The following UGCG variants were observed in gnomAD, a reference collection of about 807,000 sequenced individuals.
UGCG encodes the protein ceramide glucosyltransferase.
In UGCG, 10 loss-of-function variants were observed where a neutral mutation model predicts 49.5. That is an observed-to-expected ratio of 0.20 (90% confidence interval 0.12 to 0.34). The LOEUF is 0.34. Among genes scored for constraint, UGCG ranks in the 10% least tolerant of loss-of-function variants. The pLI is 1.00. For missense variants in UGCG, 312 were observed against 483.7 expected (o/e 0.65, Z 3.33); for synonymous variants, 182 against 158.2 (o/e 1.15, Z -1.13).
chr9:111,929,060 C>T (rs1438272677), intron 5 of UGCG, among the ~76,000 whole-genome samples: 1 of 130,810 alleles, frequency 7.6e-6, no homozygotes, highest in Non-Finnish European at 1.6e-5. Context: ...CCCCCCACCC[C>T]CCAAAAAAAT....
At chr9:111,932,406 G>C (rs763851135) in intron 8 of UGCG, 47 bp downstream of exon 8, 2 of 1,527,196 alleles carry the variant, frequency 1.3e-6, no homozygotes, top group Non-Finnish European at 1.8e-6. Flanking sequence ...GGTGGAACTA[G>C]AACTATTTCA....
intron 1 of UGCG, among the ~76,000 whole-genome samples, chr9:111,900,240 C>A (rs987364097): frequency 6.6e-6 from 1 of 151,804 alleles, no homozygotes; most frequent in South Asian, 2.1e-4. Context: ...TTGGGAGCCA[C>A]GTTGCTGCGT....
intron 2 of UGCG, among the ~76,000 whole-genome samples, chr9:111,918,814 A>G (rs940482251): frequency 6.6e-6 from 1 of 151,684 alleles, no homozygotes; most frequent in African/African-American, 2.4e-5. Context: ...AGTCCCAGCT[A>G]CTCGGGAGGC....
At chr9:111,925,504 C>T in intron 4 of UGCG, among the ~76,000 whole-genome samples, 1 of 152,322 alleles carries the variant, frequency 6.6e-6, no homozygotes. Flanking sequence ...CATGCCTGGT[C>T]TCTACCATGA....
In UGCG at chr9:111,932,847, A is replaced by C. The variant is rs1838452438; in HGVS notation, c.1035A>C (p.Ser345=). 1.2e-6 allele frequency: 2 copies of C among 1,601,246 alleles called. No individual in the cohort carries two copies. The highest frequency in any genetic ancestry group is 1.7e-5 in the Admixed American group (1 of 58,584). ...CCTAGGGTGGCACACTGTGTTTTTC[A>C]AAACTTGATTATGCAGTCGCCTGGT... is the stretch of plus-strand genomic sequence containing the variant. ...RGVQGGTLCF[S]KLDYAVAWFI... is the part of the protein sequence containing the mutation. Residue 345 remains serine, a synonymous_variant, in exon 9 of 9, where the codon TCA becomes TCC. Transcript: ENST00000374279.
chr9:111,904,632 A>G (rs1837842762), intron 1 of UGCG, among the ~76,000 whole-genome samples: 4 of 152,156 alleles, frequency 2.6e-5, no homozygotes, highest in Non-Finnish European at 4.4e-5. Flanking sequence ...AGGCCGAGGC[A>G]GGTGGATCAC....
At chr9:111,921,279 GA>G (rs1368715419) in intron 2 of UGCG, among the ~76,000 whole-genome samples, 6 of 151,710 alleles carry the variant, frequency 4.0e-5, no homozygotes, top group Non-Finnish European at 7.4e-5. Context: ...CACTTCTGGG[GA>G]AAAAAATCAC....
intron 2 of UGCG, among the ~76,000 whole-genome samples, chr9:111,918,765 C>T (rs1484112226): frequency 2.7e-5 from 4 of 148,656 alleles, no homozygotes; most frequent in Non-Finnish European, 6.0e-5. Flanking sequence ...ACTAAAAATA[C>T]AAAAAAAAAA....
At chr9:111,900,255 A>C (rs1837741941) in intron 1 of UGCG, among the ~76,000 whole-genome samples, 1 of 152,048 alleles carries the variant, frequency 6.6e-6, no homozygotes, top group Admixed American at 6.6e-5. Context: ...CTGCGTGATG[A>C]AGTGATCTAA....
chr9:111,900,076 C>T (rs77400884), intron 1 of UGCG, among the ~76,000 whole-genome samples: 2 of 150,314 alleles, frequency 1.3e-5, no homozygotes, highest in East Asian at 3.9e-4. Context: ...CTAAAAATAA[C>T]TAAAGAGTAT....
chr9:111,919,189 T>C (rs1838171555), intron 2 of UGCG, among the ~76,000 whole-genome samples: 1 of 152,172 alleles, frequency 6.6e-6, no homozygotes, highest in Non-Finnish European at 1.5e-5. Context: ...GTACTCATAC[T>C]CACAAAATAG....
intron 1 of UGCG, among the ~76,000 whole-genome samples, chr9:111,905,139 A>T (rs1564197746): frequency 6.6e-6 from 1 of 152,094 alleles, no homozygotes; most frequent in Non-Finnish European, 1.5e-5. Flanking sequence ...TTCAGTAGAA[A>T]CTAGTGTTTG....
chr9:111,913,458 G>A (rs180678861), intron 1 of UGCG, among the ~76,000 whole-genome samples: 119 of 152,090 alleles, frequency 7.8e-4, no homozygotes, highest in African/African-American at 2.8e-3. Context: ...TTTTGAGACG[G>A]AGTCTCACTC....
intron 6 of UGCG, among the ~76,000 whole-genome samples, chr9:111,930,649 T>C (rs1838409980): frequency 6.6e-6 from 1 of 151,916 alleles, no homozygotes; most frequent in Non-Finnish European, 1.5e-5. Context: ...TTTTGTATGT[T>C]AGTAGAGGCG....
intron 2 of UGCG, among the ~76,000 whole-genome samples, chr9:111,918,699 C>A (rs1482434881): frequency 1.3e-5 from 2 of 151,940 alleles, no homozygotes; most frequent in African/African-American, 2.4e-5. Flanking sequence ...TTTGGGAGGC[C>A]GAGGCGGGCG....
intron 1 of UGCG, among the ~76,000 whole-genome samples, chr9:111,900,383 C>T (rs1355122153): frequency 2.6e-5 from 4 of 152,082 alleles, no homozygotes; most frequent in Admixed American, 1.3e-4. Context: ...ACTGGAGGTG[C>T]TAGGCTAGTG....
At chr9:111,928,130 G>A (rs936042289) in intron 5 of UGCG, among the ~76,000 whole-genome samples, 9 of 152,158 alleles carry the variant, frequency 5.9e-5, no homozygotes, top group Admixed American at 2.6e-4. Context: ...GCAGTCTTAT[G>A]ATTGCCACAT....
chr9:111,902,053 A>G (rs532782670), intron 1 of UGCG, among the ~76,000 whole-genome samples: 6 of 152,310 alleles, frequency 3.9e-5, no homozygotes, highest in East Asian at 1.9e-4. Context: ...CATTTCCCCA[A>G]ATGTACAATG....
chr9:111,922,881 T>G lies in UGCG; in HGVS notation c.273T>G (p.Asp91Glu), dbSNP rs768056659. 8.1e-6 allele frequency: 13 copies of G among 1,613,116 alleles called. No homozygotes were observed. Among genetic ancestry groups the G allele is most frequent in the Non-Finnish European group, 1.0e-5 (12 of 1,179,624 alleles). ...TGCTCCTTTGTGTACAAGATCATGA[T>G]GATCCAGCCATTGATGTATGTAAGA... is the stretch of plus-strand genomic sequence containing the variant. ...YEVLLCVQDH[D>E]DPAIDVCKKL... The change falls in exon 3 of 9, where the codon GAT becomes GAG. Residue 91 changes from aspartate to glutamate, a missense_variant. Transcript: ENST00000374279.
Sources: allele counts gnomAD v4.1 joint callset (sites outside exome capture counted in the v4.1 genomes callset), GRCh38; gene constraint gnomAD v4.1.1; transcripts MANE v1.5; gene names NCBI Gene and HGNC (gene_info 2026-07-23, HGNC 2026-07-21).